The following KCNIP4 variants were observed in gnomAD, a reference collection of about 807,000 sequenced individuals.
KCNIP4 encodes potassium voltage-gated channel interacting protein 4.
A neutral mutation model predicts 34.0 loss-of-function variants in KCNIP4; 12 were observed. That is an observed-to-expected ratio of 0.35 (90% CI 0.23 to 0.57). KCNIP4 has a LOEUF of 0.57. KCNIP4 is among the 20% of genes least tolerant of loss of function. KCNIP4 has a pLI of 0.83. For synonymous variants in KCNIP4, 124 were observed against 102.2 expected, an observed-to-expected ratio of 1.21 and a Z score of -1.29; for missense variants, 238 against 311.7, an observed-to-expected ratio of 0.76 and a Z score of 1.78.
chr4:21,182,617 T>C (rs1232734762), intron 1 of KCNIP4, among the ~76,000 whole-genome samples: 1 of 152,096 alleles, frequency 6.6e-6, no homozygotes, highest in Non-Finnish European at 1.5e-5. Context: ...CAACCCCCTC[T>C]ACCCTTCCAG....
intron 1 of KCNIP4, among the ~76,000 whole-genome samples, chr4:21,150,161 G>A (rs1379002069): frequency 6.6e-6 from 1 of 152,122 alleles, no homozygotes; most frequent in African/African-American, 2.4e-5. Context: ...CTTTTCACAG[G>A]GCAGTGTGCA....
At chr4:21,579,258 C>T (rs1560532274) in intron 1 of KCNIP4, among the ~76,000 whole-genome samples, 2 of 152,020 alleles carry the variant, frequency 1.3e-5, no homozygotes, top group Non-Finnish European at 2.9e-5. Flanking sequence ...ACACTTAAAG[C>T]CACAGTACTG....
intron 1 of KCNIP4, among the ~76,000 whole-genome samples, chr4:21,002,091 A>C (rs772932285): frequency 1.1e-4 from 16 of 152,204 alleles, no homozygotes; most frequent in Admixed American, 3.3e-4. Flanking sequence ...CTCTTCTTAG[A>C]GGAGATAAAT....
At position 21,347,222 on chromosome 4, in the gene KCNIP4, G is replaced by A. The variant is rs566317306; in HGVS notation, c.62-464513C>T. ...AAACAATGAACAATGAGGCTACCAG[G>A]AGAGAATCATAATAGCTAGATAGGG... On this transcript the variant is annotated intron_variant, in intron 1 of 8. Coordinates refer to ENST00000382152, the MANE Select transcript of KCNIP4 (RefSeq NM_025221.6). 3.3e-5 allele frequency among the ~76,000 whole-genome samples: 5 copies of A among 152,288 alleles called. No homozygotes were observed. In the East Asian group the frequency reaches 9.6e-4, roughly 29 times the overall value.
intron 1 of KCNIP4, among the ~76,000 whole-genome samples, chr4:21,386,213 T>C (rs1006541917): frequency 6.6e-6 from 1 of 152,222 alleles, no homozygotes; most frequent in Non-Finnish European, 1.5e-5. Context: ...ACCTTTCCTC[T>C]TAGACAATAA....
chr4:21,383,267 GT>G (rs1175034694), intron 1 of KCNIP4, among the ~76,000 whole-genome samples: 1 of 151,874 alleles, frequency 6.6e-6, no homozygotes, highest in Admixed American at 6.6e-5. Context: ...GTGATAGTTT[GT>G]TATGGCAGCC....
At chr4:21,545,433 C>T (rs1265694070) in intron 1 of KCNIP4, among the ~76,000 whole-genome samples, 4 of 152,074 alleles carry the variant, frequency 2.6e-5, no homozygotes, top group Admixed American at 2.0e-4. Flanking sequence ...ATGTGCAGAA[C>T]GTGCAGTTTT....
At chr4:21,327,748 T>A (rs1049354136) in intron 1 of KCNIP4, among the ~76,000 whole-genome samples, 4 of 151,996 alleles carry the variant, frequency 2.6e-5, no homozygotes, top group African/African-American at 9.7e-5. Context: ...TTCTTTCTGA[T>A]GTTTTTGTCC....
intron 2 of KCNIP4, among the ~76,000 whole-genome samples, chr4:20,856,929 T>A (rs1388577825): frequency 2.0e-5 from 3 of 152,076 alleles, no homozygotes; most frequent in Non-Finnish European, 4.4e-5. Flanking sequence ...CAATCTGAGC[T>A]GTGCTACAAA....
chr4:21,669,938 A>G (rs112855753), intron 1 of KCNIP4, among the ~76,000 whole-genome samples: 76 of 152,188 alleles, frequency 5.0e-4, no homozygotes, highest in African/African-American at 1.8e-3. Flanking sequence ...TAGCAATGAT[A>G]AAAATTATAC....
At chr4:21,861,774 T>C (rs1326269646) in intron 1 of KCNIP4, among the ~76,000 whole-genome samples, 1 of 152,176 alleles carries the variant, frequency 6.6e-6, no homozygotes, top group African/African-American at 2.4e-5. Flanking sequence ...ACCATTGTTC[T>C]TTCTTCCAAC....
chr4:20,926,103 C>G (rs1729874924), intron 1 of KCNIP4, among the ~76,000 whole-genome samples: 1 of 152,094 alleles, frequency 6.6e-6, no homozygotes, highest in African/African-American at 2.4e-5. Context: ...CAGCAAATTA[C>G]CCTTATCAGA....
intron 1 of KCNIP4, among the ~76,000 whole-genome samples, chr4:21,023,771 A>G (rs949477178): frequency 3.3e-5 from 5 of 152,066 alleles, no homozygotes; most frequent in African/African-American, 1.2e-4. Context: ...AGGTCTAGCT[A>G]CTCAGGAGGT....
At chr4:21,316,686 A>T (rs1713800671) in intron 1 of KCNIP4, among the ~76,000 whole-genome samples, 6 of 152,222 alleles carry the variant, frequency 3.9e-5, no homozygotes, top group Admixed American at 3.9e-4. Context: ...CTTAACCAGC[A>T]AAATAGCTAG....
intron 1 of KCNIP4, among the ~76,000 whole-genome samples, chr4:21,672,483 A>T (rs151080587): frequency 1.5e-4 from 23 of 152,310 alleles, no homozygotes; most frequent in African/African-American, 5.5e-4. Context: ...ATCTGATATA[A>T]TAACCTTCTG....
At chr4:21,258,949 T>G (rs974088720) in intron 1 of KCNIP4, among the ~76,000 whole-genome samples, 2 of 152,124 alleles carry the variant, frequency 1.3e-5, no homozygotes, top group Admixed American at 1.3e-4. Context: ...AGAAAACATT[T>G]TTTGAATGTT....
chr4:20,765,078 G>A (rs936823290), intron 3 of KCNIP4, among the ~76,000 whole-genome samples: 2 of 152,160 alleles, frequency 1.3e-5, no homozygotes, highest in Admixed American at 6.6e-5. Flanking sequence ...TATTCAATAA[G>A]TAGTTATTTA....
At chr4:21,537,960 C>T (rs576822888) in intron 1 of KCNIP4, among the ~76,000 whole-genome samples, 4 of 126,674 alleles carry the variant, frequency 3.2e-5, no homozygotes, top group African/African-American at 9.2e-5. Flanking sequence ...TGAAGTAAGC[C>T]GAGATTGCAC....
At chr4:21,188,546 A>G (rs555151886) in intron 1 of KCNIP4, among the ~76,000 whole-genome samples, 5 of 152,340 alleles carry the variant, frequency 3.3e-5, no homozygotes, top group African/African-American at 1.2e-4. Context: ...AGAATTGCTA[A>G]GACATTCATT....
Sources: allele counts gnomAD v4.1 joint callset (sites outside exome capture counted in the v4.1 genomes callset), GRCh38; gene constraint gnomAD v4.1.1; transcripts MANE v1.5; gene names NCBI Gene and HGNC (gene_info 2026-07-23, HGNC 2026-07-21).